The following PCDHGA7 variants were observed in gnomAD, a reference collection of about 807,000 sequenced individuals.
The protein encoded by PCDHGA7 is protocadherin gamma-A7.
A neutral mutation model predicts 58.3 loss-of-function variants in PCDHGA7; 44 were observed. That is an observed-to-expected ratio of 0.75 (90% confidence interval 0.59 to 0.97). The LOEUF (loss-of-function observed/expected upper bound fraction) is 0.97, where lower values mean the gene tolerates loss of function less well. Among genes scored for constraint, PCDHGA7 ranks in the 50% least tolerant of loss-of-function variants. The pLI, the probability that PCDHGA7 is intolerant of heterozygous loss-of-function variation, is 0.00. For synonymous variants in PCDHGA7, 516 were observed against 504.2 expected (o/e 1.02, Z -0.31); for missense variants, 1,266 against 1,188.7 (o/e 1.06, Z -0.96).
At position 141,489,244 on chromosome 5, in the gene PCDHGA7, G is replaced by A. The variant is rs145484133; in HGVS notation, c.2425-5563G>A. ...TCCACAAAGGGACTTCTGGGTCATG[G>A]GGCCCAAGACACTCCCACAGCTCGC... On this transcript the variant is annotated intron_variant, in intron 1 of 3. Coordinates refer to ENST00000518325, the MANE Select transcript of PCDHGA7 (RefSeq NM_018920.4). This position sits in a 1 kb window ranked among gnomAD's most constrained non-coding sequence, Gnocchi z 4.5. 5 of 1,534,936 alleles carry A rather than the reference G, an allele frequency of 3.3e-6. No individual in the cohort carries two copies. In the African/African-American group the frequency reaches 5.5e-5, roughly 17 times the overall value.
chr5:141,504,206 A>C (rs1209911822), intron 2 of PCDHGA7, among the ~76,000 whole-genome samples: 1 of 152,218 alleles, frequency 6.6e-6, no homozygotes, highest in East Asian at 1.9e-4. Context: ...CTGTGGGAAA[A>C]TTCCAAGTAG....
At chr5:141,450,152 A>G (rs958894990) in intron 1 of PCDHGA7, among the ~76,000 whole-genome samples, 1 of 151,132 alleles carries the variant, frequency 6.6e-6, no homozygotes, top group East Asian at 2.0e-4. Context: ...GACTACAGGC[A>G]TGTGCCACCA....
At chr5:141,458,870 C>G (rs540373442) in intron 1 of PCDHGA7, among the ~76,000 whole-genome samples, 1 of 152,264 alleles carries the variant, frequency 6.6e-6, no homozygotes, top group South Asian at 2.1e-4. Flanking sequence ...GTAGCTGGGA[C>G]TACAGGCATG....
At chr5:141,501,298 C>CAG (rs2099807427) in intron 2 of PCDHGA7, among the ~76,000 whole-genome samples, 1 of 148,330 alleles carries the variant, frequency 6.7e-6, no homozygotes, top group Non-Finnish European at 1.5e-5. Context: ...TATACACACA[C>CAG]ACACACACAC....
chr5:141,466,809 CA>C (rs1454424644), intron 1 of PCDHGA7, among the ~76,000 whole-genome samples: 1 of 152,102 alleles, frequency 6.6e-6, no homozygotes, highest in Non-Finnish European at 1.5e-5. Flanking sequence ...CCTATTCAGA[CA>C]TGGTATAACA....
At chr5:141,500,782 T>G (rs2099802612) in intron 2 of PCDHGA7, among the ~76,000 whole-genome samples, 2 of 152,222 alleles carry the variant, frequency 1.3e-5, no homozygotes, top group Admixed American at 1.3e-4. Context: ...ATATACATAT[T>G]ATTTTACAGA....
chr5:141,498,312 T>C (rs2099783060), intron 2 of PCDHGA7, among the ~76,000 whole-genome samples: 1 of 151,714 alleles, frequency 6.6e-6, no homozygotes, highest in Non-Finnish European at 1.5e-5. Context: ...TCACACTGCC[T>C]ACACAGAAGG....
intron 1 of PCDHGA7, among the ~76,000 whole-genome samples, chr5:141,407,534 A>G (rs72790039): frequency 0.022 from 3,304 of 149,594 alleles, 53 homozygotes; most frequent in South Asian, 0.039. Context: ...CTTATTGTGC[A>G]TTGGTAACAG....
chr5:141,433,142 G>A, intron 1 of PCDHGA7: 2 of 1,614,108 alleles, frequency 1.2e-6, no homozygotes, highest in African/African-American at 1.3e-5. Flanking sequence ...TTTGCTGTCA[G>A]GTGATTCGGT....
chr5:141,445,134 A>G lies in PCDHGA7; in HGVS notation c.2425-49673A>G, dbSNP rs900226020. ...TTGTAAATAGTATTTTTAAAATTGT[A>G]TCTTCTAATTGTTCATTTCTAGTTT... On this transcript the variant is annotated intron_variant, in intron 1 of 3. Transcript: ENST00000518325. Among the ~76,000 whole-genome samples, 174 of 152,316 alleles carry G rather than the reference A, an allele frequency of 1.1e-3. 4 individuals carry two copies. The highest frequency in any genetic ancestry group is 5.3e-4 in the Non-Finnish European group (36 of 68,016).
At chr5:141,385,965 G>A (rs368454164) in intron 1 of PCDHGA7, 2 of 152,134 alleles carry the variant, frequency 1.3e-5, no homozygotes, top group Non-Finnish European at 2.9e-5. Flanking sequence ...AAAGGCCATC[G>A]GACAAAACCA....
At chr5:141,509,574 G>A (rs554778751) in intron 3 of PCDHGA7, among the ~76,000 whole-genome samples, 7 of 152,182 alleles carry the variant, frequency 4.6e-5, no homozygotes, top group Non-Finnish European at 5.9e-5. Flanking sequence ...TTCACAGTGC[G>A]TACAAATCAG....
At position 141,490,076 on chromosome 5, in the gene PCDHGA7, A is replaced by G. The variant is rs1025569516; in HGVS notation, c.2425-4731A>G. 2.5e-6 allele frequency: 4 copies of G among 1,614,240 alleles called. No homozygotes were observed. The highest frequency in any genetic ancestry group is 1.3e-5 in the African/African-American group (1 of 75,070). Reference sequence around the variant, plus strand: ...GAGGGCACCAACGGCCAACTAGACTATTCTTTTGGAGACCACACATCTGAG... The same window carrying G: ...GAGGGCACCAACGGCCAACTAGACTGTTCTTTTGGAGACCACACATCTGAG... On this transcript the variant is annotated intron_variant, in intron 1 of 3. Coordinates refer to ENST00000518325, the MANE Select transcript of PCDHGA7 (RefSeq NM_018920.4). The surrounding 1 kb of genome is among the most constrained non-coding windows in gnomAD (Gnocchi z 5.4).
chr5:141,410,317 C>T lies in PCDHGA7; in HGVS notation c.2424+24994C>T, dbSNP rs527641698. ...CCTTAATCTCAGTGCTCTTCCTCCT[C>T]GCCGTGATTCTGGCCATTGCCTTGC... On this transcript the variant is annotated intron_variant, in intron 1 of 3. Coordinates refer to ENST00000518325, the MANE Select transcript of PCDHGA7 (RefSeq NM_018920.4). The T allele has an allele frequency of 2.7e-5, 43 of 1,614,010 alleles. No individual in the cohort carries two copies. In the East Asian group the frequency reaches 8.0e-4, roughly 30 times the overall value.
intron 1 of PCDHGA7, chr5:141,408,678 A>G (rs758302984): frequency 2.5e-6 from 4 of 1,613,862 alleles, no homozygotes; most frequent in African/African-American, 1.3e-5. Context: ...CCTGCCACGG[A>G]TCCTGATATA....
intron 1 of PCDHGA7, among the ~76,000 whole-genome samples, chr5:141,401,210 C>T (rs1038078572): frequency 3.9e-5 from 6 of 151,956 alleles, no homozygotes; most frequent in Non-Finnish European, 5.9e-5. Flanking sequence ...GGTGTGGTGG[C>T]GGGCGCCTGT....
chr5:141,415,477 CGAAA>C (rs764359660), intron 1 of PCDHGA7: 56 of 1,614,066 alleles, frequency 3.5e-5, no homozygotes, highest in Middle Eastern at 3.3e-4. Context: ...CGCGGACTCG[CGAAA>C]GAGTCACCTG....
intron 1 of PCDHGA7, among the ~76,000 whole-genome samples, chr5:141,483,517 CCTGA>C (rs72004558): frequency 0.16 from 24,470 of 151,950 alleles, 2,064 homozygotes; most frequent in African/African-American, 0.21. Context: ...CCCCCTAGAT[CCTGA>C]CTAAGGAAGC....
intron 1 of PCDHGA7, among the ~76,000 whole-genome samples, chr5:141,460,124 A>AAT (rs2098982741): frequency 6.6e-6 from 1 of 152,052 alleles, no homozygotes; most frequent in African/African-American, 2.4e-5. Context: ...TTATATATGT[A>AAT]ATATATATAT....
Sources: gnomAD v4.1 joint callset for allele counts (sites outside exome capture counted in the v4.1 genomes callset) on GRCh38, gnomAD v4.1.1 for gene constraint, Gnocchi (gnomAD v3.1) non-coding constraint, MANE v1.5 for transcripts, NCBI Gene and HGNC (gene_info 2026-07-23, HGNC 2026-07-21) for gene names.